ROBO2: variants seen among roughly 807,000 people sequenced by gnomAD.
ROBO2 encodes the protein roundabout guidance receptor 2.
In ROBO2, 53 loss-of-function variants were observed where a neutral mutation model predicts 160.8. The ratio of observed to expected loss-of-function variants is 0.33; its 90% CI spans 0.26 to 0.41. The LOEUF is 0.41. Among genes scored for constraint, ROBO2 ranks in the 10% least tolerant of loss-of-function variants. ROBO2 has a pLI of 1.00. For missense variants in ROBO2, 1,577 were observed against 1,722.4 expected, an observed-to-expected ratio of 0.92 and a Z score of 1.49; for synonymous variants, 664 against 611.7, an observed-to-expected ratio of 1.09 and a Z score of -1.26.
intron 1 of ROBO2, among the ~76,000 whole-genome samples, chr3:77,055,033 A>G (rs935824029): frequency 6.6e-6 from 1 of 151,790 alleles, no homozygotes; most frequent in Non-Finnish European, 1.5e-5. Flanking sequence ...TAATTGTGGA[A>G]TTATGGTGCA....
chr3:76,645,488 G>A (rs139732999), intron 2 of ROBO2, among the ~76,000 whole-genome samples: 118 of 152,272 alleles, frequency 7.7e-4, no homozygotes, highest in Non-Finnish European at 1.4e-3. Flanking sequence ...AAACAAGAGC[G>A]AAACACAGTC....
At chr3:76,397,010 C>T (rs535134780) in intron 2 of ROBO2, among the ~76,000 whole-genome samples, 8 of 152,122 alleles carry the variant, frequency 5.3e-5, no homozygotes, top group East Asian at 3.9e-4. Flanking sequence ...GAGCCTTCAT[C>T]GCCAAGTCAA....
chr3:77,303,602 A>G (rs2062840257), intron 2 of ROBO2, among the ~76,000 whole-genome samples: 1 of 152,264 alleles, frequency 6.6e-6, no homozygotes, highest in African/African-American at 2.4e-5. Flanking sequence ...CAATTAAAAT[A>G]TAGGGGTATC....
intron 2 of ROBO2, among the ~76,000 whole-genome samples, chr3:76,899,918 A>C (rs1438496125): frequency 6.6e-6 from 1 of 152,148 alleles, no homozygotes; most frequent in East Asian, 1.9e-4. Flanking sequence ...AAAGGGGAGT[A>C]ATATTTTTAT....
At chr3:76,625,334 G>A (rs2089556741) in intron 2 of ROBO2, among the ~76,000 whole-genome samples, 1 of 151,924 alleles carries the variant, frequency 6.6e-6, no homozygotes, top group South Asian at 2.1e-4. Context: ...TATAACTAAA[G>A]ACTACATGAA....
intron 2 of ROBO2, among the ~76,000 whole-genome samples, chr3:76,406,324 A>T (rs529810650): frequency 6.6e-6 from 1 of 151,890 alleles, no homozygotes; most frequent in Admixed American, 6.6e-5. Context: ...TGTCACAGGA[A>T]TGCTCTCTAT....
intron 2 of ROBO2, among the ~76,000 whole-genome samples, chr3:76,820,595 T>C (rs2066038207): frequency 6.6e-6 from 1 of 151,974 alleles, no homozygotes; most frequent in Non-Finnish European, 1.5e-5. Context: ...CCAAATAAAT[T>C]ACACAAAATG....
chr3:77,225,066 A>G (rs1227791516), intron 2 of ROBO2, among the ~76,000 whole-genome samples: 2 of 151,896 alleles, frequency 1.3e-5, no homozygotes, highest in Non-Finnish European at 3.0e-5. Flanking sequence ...CATAATCATG[A>G]GCTAGATATA....
At chr3:76,900,191 C>T (rs1290651045) in intron 2 of ROBO2, among the ~76,000 whole-genome samples, 3 of 152,064 alleles carry the variant, frequency 2.0e-5, no homozygotes, top group Non-Finnish European at 4.4e-5. Context: ...GAAAGATCCG[C>T]CCCCATAATT....
chr3:77,291,626 ATGGGTAAG>A (rs2061276138), intron 2 of ROBO2, among the ~76,000 whole-genome samples: 3 of 151,590 alleles, frequency 2.0e-5, no homozygotes, highest in Non-Finnish European at 4.4e-5. Flanking sequence ...TGACGGTTAA[ATGGGTAAG>A]CTGAGGCTAG....
intron 2 of ROBO2, among the ~76,000 whole-genome samples, chr3:76,662,849 A>G (rs1374455715): frequency 6.6e-6 from 1 of 152,292 alleles, no homozygotes; most frequent in Admixed American, 6.5e-5. Context: ...TGATATGAGC[A>G]TAGACAGGTC....
intron 2 of ROBO2, among the ~76,000 whole-genome samples, chr3:76,976,104 A>C: frequency 6.6e-6 from 1 of 152,246 alleles, no homozygotes; most frequent in East Asian, 1.9e-4. Flanking sequence ...AAAAACTGGC[A>C]ATATGTCGTA....
At chr3:77,158,508 C>T (rs369918550) in intron 2 of ROBO2, among the ~76,000 whole-genome samples, 1 of 152,228 alleles carries the variant, frequency 6.6e-6, no homozygotes, top group African/African-American at 2.4e-5. Context: ...AAATTGAATA[C>T]ATTAAAAATG....
intron 2 of ROBO2, among the ~76,000 whole-genome samples, chr3:76,129,989 A>G (rs1387272373): frequency 6.6e-6 from 1 of 152,100 alleles, no homozygotes; most frequent in Non-Finnish European, 1.5e-5. Flanking sequence ...TAAAAAACAT[A>G]TGAGAAGGTT....
At chr3:76,243,131 A>C (rs772410644) in intron 2 of ROBO2, among the ~76,000 whole-genome samples, 5 of 152,072 alleles carry the variant, frequency 3.3e-5, no homozygotes, top group Non-Finnish European at 5.9e-5. Context: ...GAGTCGCTTG[A>C]TTAACCTTTT....
chr3:75,951,739 C>G (rs1407019377), intron 2 of ROBO2, among the ~76,000 whole-genome samples: 1 of 152,012 alleles, frequency 6.6e-6, no homozygotes, highest in African/African-American at 2.4e-5. Flanking sequence ...TACCTTAGTG[C>G]TGCTGCTCAT....
chr3:76,461,165 A>G (rs1285061084), intron 2 of ROBO2, among the ~76,000 whole-genome samples: 1 of 152,176 alleles, frequency 6.6e-6, no homozygotes, highest in Non-Finnish European at 1.5e-5. Flanking sequence ...TAATCATGGC[A>G]GAAGGTAAAA....
At chr3:77,490,926 A>G (rs1040128330) in intron 4 of ROBO2, among the ~76,000 whole-genome samples, 1 of 152,172 alleles carries the variant, frequency 6.6e-6, no homozygotes, top group African/African-American at 2.4e-5. Context: ...TCACGACTTT[A>G]TGTTTCTCTT....
At chr3:76,551,258 A>C (rs1333089154) in intron 2 of ROBO2, among the ~76,000 whole-genome samples, 2 of 151,804 alleles carry the variant, frequency 1.3e-5, no homozygotes, top group African/African-American at 4.8e-5. Context: ...AATTCGTAAG[A>C]ACGACCTGCC....
Sources: gnomAD v4.1 joint callset for allele counts (sites outside exome capture counted in the v4.1 genomes callset) on GRCh38, gnomAD v4.1.1 for gene constraint, MANE v1.5 for transcripts, NCBI Gene and HGNC (gene_info 2026-07-23, HGNC 2026-07-21) for gene names.